The following TAFA5 variants were observed in gnomAD, a reference collection of about 807,000 sequenced individuals.
TAFA5 encodes chemokine-like protein TAFA-5.
TAFA5 carries 6 observed loss-of-function variants against 15.3 expected under a neutral mutation model. The observed-to-expected ratio is 0.39, with a 90% CI of 0.21 to 0.77. TAFA5 has a LOEUF of 0.77. Among genes scored for constraint, TAFA5 ranks in the 30% least tolerant of loss-of-function variants. The pLI is 0.41. For synonymous variants in TAFA5, 103 were observed against 80.7 expected, an observed-to-expected ratio of 1.28 and a Z score of -1.48; for missense variants, 161 against 193.1, an observed-to-expected ratio of 0.83 and a Z score of 0.98.
chr22:48,652,419 T>C lies in TAFA5; in HGVS notation c.262+5673T>C, dbSNP rs57989125. 9.7e-3 allele frequency among the ~76,000 whole-genome samples: 1,474 copies of C among 152,278 alleles called. 22 individuals carry two copies. Among genetic ancestry groups the C allele is most frequent in the African/African-American group, 0.033 (1,357 of 41,564 alleles). The stretch of plus-strand genomic sequence containing the variant: ...TGGTTGGGATAAGGAAGGCCCTGCT[T>C]CCCTACAGTTGTTCATACAACATGG... On this transcript the variant is annotated intron_variant, in intron 2 of 3. Coordinates refer to ENST00000402357, the MANE Select transcript of TAFA5 (RefSeq NM_001082967.3).
At chr22:48,542,297 ATGTGTGTGTAG>A (rs1922429560) in intron 1 of TAFA5, among the ~76,000 whole-genome samples, 1 of 15,464 alleles carries the variant, frequency 6.5e-5, no homozygotes, top group African/African-American at 1.2e-4. Context: ...TGCATGTGTG[ATGTGTGTGTAG>A]TGTGTATGTG....
chr22:48,731,766 C>T (rs764443039), intron 3 of TAFA5, among the ~76,000 whole-genome samples: 5 of 152,174 alleles, frequency 3.3e-5, no homozygotes, highest in Admixed American at 1.3e-4. Flanking sequence ...CCCAAGATCT[C>T]GGATGGAGAT....
chr22:48,500,732 G>A lies in TAFA5; in HGVS notation c.112+11028G>A, dbSNP rs377717472. 2.6e-5 allele frequency among the ~76,000 whole-genome samples: 4 copies of A among 152,376 alleles called. No homozygotes were observed. In the East Asian group the frequency reaches 7.7e-4, roughly 29 times the overall value. ...AGCTCGTAGTAGCACTGGGGGACTGGCTGACATCGCACTGTGTCCCAGAAC... is the reference window on the plus strand; with the variant it reads ...AGCTCGTAGTAGCACTGGGGGACTGACTGACATCGCACTGTGTCCCAGAAC... On this transcript the variant is annotated intron_variant, in intron 1 of 3. Coordinates refer to ENST00000402357, the MANE Select transcript of TAFA5 (RefSeq NM_001082967.3).
At chr22:48,684,789 A>C (rs374115834) in intron 2 of TAFA5, among the ~76,000 whole-genome samples, 1 of 152,102 alleles carries the variant, frequency 6.6e-6, no homozygotes, top group Admixed American at 6.5e-5. Flanking sequence ...TCCATGTTTC[A>C]TGGTGACCCC....
chr22:48,579,646 C>T (rs1201675459), intron 1 of TAFA5, among the ~76,000 whole-genome samples: 1 of 152,216 alleles, frequency 6.6e-6, no homozygotes, highest in Non-Finnish European at 1.5e-5. Flanking sequence ...TTTCCACCTC[C>T]CTCTTCCAAA....
At chr22:48,639,229 G>A (rs943896946) in intron 1 of TAFA5, among the ~76,000 whole-genome samples, 17 of 151,400 alleles carry the variant, frequency 1.1e-4, no homozygotes, top group African/African-American at 3.9e-4. Flanking sequence ...ACCTGCCCCC[G>A]GGCCCCACCT....
chr22:48,609,460 C>T (rs1925318359), intron 1 of TAFA5, among the ~76,000 whole-genome samples: 1 of 152,100 alleles, frequency 6.6e-6, no homozygotes, highest in South Asian at 2.1e-4. Flanking sequence ...CATCACTGGC[C>T]ATGTGTTGTC....
intron 2 of TAFA5, among the ~76,000 whole-genome samples, chr22:48,651,680 C>A (rs1347634262): frequency 6.6e-6 from 1 of 151,994 alleles, no homozygotes; most frequent in Middle Eastern, 3.2e-3. Context: ...ACGCTGAGGC[C>A]GTGGGTTTGG....
intron 3 of TAFA5, among the ~76,000 whole-genome samples, chr22:48,711,068 A>G (rs1000679060): frequency 2.0e-5 from 3 of 152,160 alleles, no homozygotes; most frequent in Admixed American, 1.3e-4. Flanking sequence ...GGACCCCCCA[A>G]GCCTCTGCTG....
At chr22:48,500,826 G>A (rs1420647907) in intron 1 of TAFA5, among the ~76,000 whole-genome samples, 1 of 152,226 alleles carries the variant, frequency 6.6e-6, no homozygotes, top group African/African-American at 2.4e-5. Context: ...AGGAGGTGGG[G>A]ATGGGCCTGG....
chr22:48,571,676 T>C (rs1463148113), intron 1 of TAFA5, among the ~76,000 whole-genome samples: 1 of 143,536 alleles, frequency 7.0e-6, no homozygotes, highest in Non-Finnish European at 1.5e-5. Context: ...TTAGATCTAA[T>C]CAGAATATGG....
At chr22:48,720,924 A>T (rs1649633922) in intron 3 of TAFA5, among the ~76,000 whole-genome samples, 1 of 152,064 alleles carries the variant, frequency 6.6e-6, no homozygotes, top group Non-Finnish European at 1.5e-5. Flanking sequence ...CAGAATAGGC[A>T]CTTCTTGTTC....
Position 48,552,112 on chromosome 22 carries a change from C to A in TAFA5, c.112+62408C>A, listed in dbSNP as rs1282182807. 2.0e-5 allele frequency among the ~76,000 whole-genome samples: 3 copies of A among 152,246 alleles called. No individual in the cohort carries two copies. Among genetic ancestry groups the A allele is most frequent in the Non-Finnish European group, 4.4e-5 (3 of 68,044 alleles). ...TGTGGCTGTGTGGCTGCAGCCTGTG[C>A]ACTGTGAGCCCTCCTTGTGTGGGCT... is the stretch of plus-strand genomic sequence containing the variant. On this transcript the variant is annotated intron_variant, in intron 1 of 3. Transcript: ENST00000402357. This position sits in a 1 kb window ranked among gnomAD's most constrained non-coding sequence, Gnocchi z 4.1.
At chr22:48,621,050 A>T (rs1472151577) in intron 1 of TAFA5, among the ~76,000 whole-genome samples, 1 of 24,214 alleles carries the variant, frequency 4.1e-5, no homozygotes, top group Admixed American at 6.4e-4. Flanking sequence ...CCACCCATCC[A>T]CCCACCAACC....
intron 2 of TAFA5, among the ~76,000 whole-genome samples, chr22:48,674,162 C>T (rs1469610556): frequency 6.6e-6 from 1 of 152,168 alleles, no homozygotes; most frequent in Admixed American, 6.5e-5. Flanking sequence ...CCGGGCGGTG[C>T]AGATGTAGGT....
chr22:48,612,857 C>T (rs758700780), intron 1 of TAFA5, among the ~76,000 whole-genome samples: 2 of 152,142 alleles, frequency 1.3e-5, no homozygotes, highest in African/African-American at 2.4e-5. Flanking sequence ...GGGTTTCTGA[C>T]AGGAGAGCCA....
At chr22:48,721,226 C>T (rs1010746560) in intron 3 of TAFA5, among the ~76,000 whole-genome samples, 1 of 152,226 alleles carries the variant, frequency 6.6e-6, no homozygotes, top group African/African-American at 2.4e-5. Context: ...GAGGGTTGCC[C>T]CTGTGAGGGA....
In TAFA5 at chr22:48,538,222, G is replaced by A. The variant is rs556565503; in HGVS notation, c.112+48518G>A. 8.0e-4 allele frequency among the ~76,000 whole-genome samples: 121 copies of A among 152,198 alleles called. 1 individual carries two copies. The South Asian group carries it at 0.018, about 23-fold the overall frequency. ...ACTACCTGGCGCTCTACCGAAAGTC[G>A]CTGCCAGCTCCTGGTTTAGGGGCGG... is the stretch of plus-strand genomic sequence containing the variant. On this transcript the variant is annotated intron_variant, in intron 1 of 3. Transcript: ENST00000402357.
At chr22:48,627,845 C>T (rs1926078727) in intron 1 of TAFA5, among the ~76,000 whole-genome samples, 1 of 152,304 alleles carries the variant, frequency 6.6e-6, no homozygotes, top group East Asian at 1.9e-4. Flanking sequence ...CTGAGGCTGC[C>T]CGTGGAGTCC....
Sources: allele counts gnomAD v4.1 joint callset (sites outside exome capture counted in the v4.1 genomes callset), GRCh38; gene constraint gnomAD v4.1.1; non-coding constraint Gnocchi (gnomAD v3.1); transcripts MANE v1.5; gene names NCBI Gene and HGNC (gene_info 2026-07-23, HGNC 2026-07-21).